The following SOHLH2 variants were observed in gnomAD, a reference collection of about 807,000 sequenced individuals.
SOHLH2 encodes the protein spermatogenesis- and oogenesis-specific basic helix-loop-helix-containing protein 2.
Under a neutral mutation model 50.4 loss-of-function variants are expected in SOHLH2, and 22 were observed. The observed-to-expected ratio is 0.44, with a 90% CI of 0.31 to 0.62. The LOEUF is 0.62. Ranked by LOEUF, SOHLH2 falls within the 20% of genes least tolerant of loss-of-function variation. The pLI is 0.08. For missense variants in SOHLH2, 412 were observed against 504.4 expected (o/e 0.82, Z 1.76); for synonymous variants, 185 against 187.3 (o/e 0.99, Z 0.10).
chr13:36,196,248 C>A (rs1887725946), intron 2 of SOHLH2, among the ~76,000 whole-genome samples: 1 of 151,968 alleles, frequency 6.6e-6, no homozygotes, highest in African/African-American at 2.4e-5. Context: ...CCTCAGCCTC[C>A]CAGGTAGCTG....
intron 9 of SOHLH2, among the ~76,000 whole-genome samples, chr13:36,171,911 T>A (rs1314288779): frequency 6.6e-6 from 1 of 152,166 alleles, no homozygotes; most frequent in African/African-American, 2.4e-5. Flanking sequence ...TATCCAATGA[T>A]TACTACTATA....
intron 6 of SOHLH2, among the ~76,000 whole-genome samples, chr13:36,186,730 T>C (rs1216718296): frequency 6.6e-6 from 1 of 152,186 alleles, no homozygotes; most frequent in African/African-American, 2.4e-5. Context: ...ATGAATGGGA[T>C]TTCACCAAGA....
intron 9 of SOHLH2, 83 bp from the exon 10 acceptor site, chr13:36,170,870 G>C: frequency 6.5e-7 from 1 of 1,533,706 alleles, no homozygotes; most frequent in East Asian, 2.3e-5. Context: ...TAAACTGCCC[G>C]CTATTTCATT....
intron 1 of SOHLH2, among the ~76,000 whole-genome samples, chr13:36,213,212 C>T (rs1457562990): frequency 6.6e-6 from 1 of 152,088 alleles, no homozygotes; most frequent in Non-Finnish European, 1.5e-5. Context: ...GGGAGGAAAC[C>T]ACAATTATTT....
chr13:36,194,969 A>T (rs1887679454), intron 2 of SOHLH2, among the ~76,000 whole-genome samples: 1 of 152,058 alleles, frequency 6.6e-6, no homozygotes, highest in Non-Finnish European at 1.5e-5. Flanking sequence ...TATTAATATA[A>T]ATTTATATAT....
chr13:36,184,498 T>TC (rs1887354359), intron 6 of SOHLH2, among the ~76,000 whole-genome samples: 4 of 148,278 alleles, frequency 2.7e-5, no homozygotes, highest in Non-Finnish European at 4.5e-5. Flanking sequence ...GTCTTGCTCT[T>TC]GCCCAGGCTG....
chr13:36,204,011 C>G (rs1340324584), intron 1 of SOHLH2, among the ~76,000 whole-genome samples: 1 of 139,304 alleles, frequency 7.2e-6, no homozygotes, highest in African/African-American at 2.7e-5. Flanking sequence ...AGTGCAGTGG[C>G]GTGATCTCGG....
intron 6 of SOHLH2, among the ~76,000 whole-genome samples, chr13:36,177,646 G>GCA (rs1887129021): frequency 6.6e-6 from 1 of 152,034 alleles, no homozygotes; most frequent in Non-Finnish European, 1.5e-5. Context: ...GTTTTAATCT[G>GCA]CATTTCCCTG....
chr13:36,175,021 A>G (rs1270078087), intron 6 of SOHLH2, 152 bp from the exon 7 acceptor site: 2 of 1,198,142 alleles, frequency 1.7e-6, no homozygotes, highest in East Asian at 5.5e-5. Context: ...TGTCCCCACA[A>G]GCCAGCAGCC....
chr13:36,208,300 A>G (rs190913571), intron 1 of SOHLH2, among the ~76,000 whole-genome samples: 1 of 152,246 alleles, frequency 6.6e-6, no homozygotes, highest in Non-Finnish European at 1.5e-5. Flanking sequence ...ATCTTATGTA[A>G]GGAGGATATG....
chr13:36,201,048 C>CAAAAAAAAAAAAAAAAA (rs10660002), intron 2 of SOHLH2, among the ~76,000 whole-genome samples: 1 of 55,962 alleles, frequency 1.8e-5, no homozygotes, highest in Non-Finnish European at 3.2e-5. Flanking sequence ...GACTCTGCCT[C>CAAAAAAAAAAAAAAAAA]AAAAAAAAAA....
intron 2 of SOHLH2, among the ~76,000 whole-genome samples, chr13:36,201,069 A>G (rs1164700407): frequency 1.4e-5 from 2 of 147,034 alleles, no homozygotes; most frequent in Non-Finnish European, 3.0e-5. Context: ...AAAAAAAAAA[A>G]AAGAAAAGAA....
At chr13:36,189,246 A>C (rs1887509243) in intron 6 of SOHLH2, among the ~76,000 whole-genome samples, 1 of 152,134 alleles carries the variant, frequency 6.6e-6, no homozygotes, top group Non-Finnish European at 1.5e-5. Context: ...TAGAGTGTTC[A>C]TTCTAAGGTA....
At chr13:36,184,459 CCTTT>C (rs1232384637) in intron 6 of SOHLH2, among the ~76,000 whole-genome samples, 4 of 81,686 alleles carry the variant, frequency 4.9e-5, no homozygotes, top group Admixed American at 1.2e-4. Flanking sequence ...CCTACAAAGA[CCTTT>C]TTTTTTTTTT....
At chr13:36,184,434 T>C (rs548933605) in intron 6 of SOHLH2, among the ~76,000 whole-genome samples, 19 of 148,588 alleles carry the variant, frequency 1.3e-4, no homozygotes, top group Non-Finnish European at 2.5e-4. Flanking sequence ...TTAAAATCAA[T>C]GATGGAAGTT....
chr13:36,175,794 G>A (rs906382360), intron 6 of SOHLH2, among the ~76,000 whole-genome samples: 4 of 152,122 alleles, frequency 2.6e-5, no homozygotes, highest in African/African-American at 9.7e-5. Flanking sequence ...TGAGCTCTGA[G>A]GAACTCTGGG....
At chr13:36,169,762 C>T (rs969981010) in intron 10 of SOHLH2, among the ~76,000 whole-genome samples, 3 of 152,194 alleles carry the variant, frequency 2.0e-5, no homozygotes, top group African/African-American at 7.2e-5. Context: ...ACTGCTCTTG[C>T]CTACTCACTC....
In SOHLH2 at chr13:36,189,963, G is replaced by A. The variant is rs1199786521; in HGVS notation, c.624C>T (p.Ser208=). The A allele has an allele frequency of 6.3e-7, 1 of 1,591,238 alleles. No individual in the cohort carries two copies. The highest frequency in any genetic ancestry group is 1.3e-5 in the African/African-American group (1 of 74,538). Residue 208 remains serine (S), a synonymous_variant, in exon 6 of 11, where the codon AGC becomes AGT. Coordinates refer to ENST00000379881, the MANE Select transcript of SOHLH2 (RefSeq NM_017826.3). ...KNKKISLLHS[S]KEKLRRERIK... ...AAATTCACCTTCTTAGTTTTTCCTTGCTTGAATGAAGAAGAGAGATCTTTT... is the reference window on the plus strand; with the variant it reads ...AAATTCACCTTCTTAGTTTTTCCTTACTTGAATGAAGAAGAGAGATCTTTT...
chr13:36,169,108 CATA>C (rs1427399744), intron 10 of SOHLH2, 54 bp from the exon 11 acceptor site: 21 of 1,571,890 alleles, frequency 1.3e-5, no homozygotes, highest in African/African-American at 2.7e-5. Flanking sequence ...CACTCTTACT[CATA>C]ATGTCATGAT....
Sources: allele counts gnomAD v4.1 joint callset (sites outside exome capture counted in the v4.1 genomes callset), GRCh38; gene constraint gnomAD v4.1.1; transcripts MANE v1.5; gene names NCBI Gene and HGNC (gene_info 2026-07-23, HGNC 2026-07-21).